Variants in MOB3B observed in about 807,000 individuals in gnomAD.
MOB3B encodes the protein MOB kinase activator-like 2B.
A neutral mutation model predicts 18.7 loss-of-function variants in MOB3B; 7 were observed. The ratio of observed to expected loss-of-function variants is 0.37; its 90% CI spans 0.21 to 0.70. The LOEUF is 0.70. Ranked by LOEUF, MOB3B falls within the 30% of genes least tolerant of loss-of-function variation. The pLI, the probability that MOB3B is intolerant of heterozygous loss-of-function variation, is 0.52. For synonymous variants in MOB3B, 111 were observed against 99.9 expected (o/e 1.11, Z -0.66); for missense variants, 253 against 281.3 (o/e 0.90, Z 0.72).
At chr9:27,343,700 CTTT>C (rs58115889) in intron 3 of MOB3B, among the ~76,000 whole-genome samples, 6,253 of 123,890 alleles carry the variant, frequency 0.05, 163 homozygotes, top group African/African-American at 0.071. Context: ...GAATTTTAGC[CTTT>C]TTTTTTTTTT....
At chr9:27,490,892 C>A (rs1417967541) in intron 1 of MOB3B, among the ~76,000 whole-genome samples, 1 of 151,624 alleles carries the variant, frequency 6.6e-6, no homozygotes. Flanking sequence ...CCCAGAAAAG[C>A]AAATTCGAAG....
intron 2 of MOB3B, among the ~76,000 whole-genome samples, chr9:27,423,802 C>T (rs1822290448): frequency 6.6e-6 from 1 of 152,170 alleles, no homozygotes; most frequent in Admixed American, 6.5e-5. Flanking sequence ...ACTTTATGTT[C>T]ATCAGAGAAA....
At chr9:27,392,734 A>G (rs1821744165) in intron 2 of MOB3B, among the ~76,000 whole-genome samples, 1 of 152,170 alleles carries the variant, frequency 6.6e-6, no homozygotes, top group Non-Finnish European at 1.5e-5. Context: ...AAAGATAAAA[A>G]AGTCAATTCT....
chr9:27,378,435 T>G, intron 2 of MOB3B: 1 of 471,444 alleles, frequency 2.1e-6, no homozygotes, highest in Non-Finnish European at 4.4e-6. Context: ...TCCCATCTAG[T>G]TCCCTCAATG....
At chr9:27,484,577 C>T (rs17835770) in intron 1 of MOB3B, among the ~76,000 whole-genome samples, 4,938 of 152,208 alleles carry the variant, frequency 0.032, 436 homozygotes, top group East Asian at 0.28. Flanking sequence ...CTTCAACCTT[C>T]GAGTCACTTT....
At chr9:27,461,838 TA>T (rs1318046630) in intron 1 of MOB3B, among the ~76,000 whole-genome samples, 1 of 152,206 alleles carries the variant, frequency 6.6e-6, no homozygotes, top group African/African-American at 2.4e-5. Flanking sequence ...CAAAAACCTA[TA>T]ATGATTCATC....
chr9:27,363,354 C>T (rs1007628343), intron 2 of MOB3B, among the ~76,000 whole-genome samples: 20 of 152,102 alleles, frequency 1.3e-4, no homozygotes, highest in East Asian at 1.9e-4. Flanking sequence ...CTGCAAGCTC[C>T]GCCTCCCAGG....
chr9:27,439,793 G>A (rs915720703), intron 2 of MOB3B, among the ~76,000 whole-genome samples: 1 of 143,060 alleles, frequency 7.0e-6, no homozygotes, highest in African/African-American at 2.8e-5. Context: ...CTCTGGCATA[G>A]CAAAAAAAAT....
intron 3 of MOB3B, among the ~76,000 whole-genome samples, chr9:27,336,339 A>G (rs542190567): frequency 4.6e-5 from 7 of 151,756 alleles, no homozygotes; most frequent in South Asian, 4.2e-4. Flanking sequence ...AAGGGGGGGG[A>G]AGAGCTACCA....
At chr9:27,444,009 A>T (rs1037571951) in intron 2 of MOB3B, among the ~76,000 whole-genome samples, 1 of 152,114 alleles carries the variant, frequency 6.6e-6, no homozygotes, top group Non-Finnish European at 1.5e-5. Context: ...ATCTAAGAAC[A>T]TTATATGGCA....
rs546261230 is a variant in MOB3B at position 27,465,562 on chromosome 9, G to C, written c.-198-9814C>G. 4.5e-4 allele frequency among the ~76,000 whole-genome samples: 69 copies of C among 152,338 alleles called. 1 individual carries two copies. The highest frequency in any genetic ancestry group is 1.5e-3 in the African/African-American group (61 of 41,578). On this transcript the variant is annotated intron_variant, in intron 1 of 3. Coordinates refer to ENST00000262244, the MANE Select transcript of MOB3B (RefSeq NM_024761.5). ...TACAGCTCCACCAAGCAGTGCCCCAGTAGGGACTCTGTGTGGGGGCTCCAA... is the reference window on the plus strand; with the variant it reads ...TACAGCTCCACCAAGCAGTGCCCCACTAGGGACTCTGTGTGGGGGCTCCAA...
rs570242041 is a variant in MOB3B, at chr9:27,504,227, G to T, written c.-199+25328C>A. ...AAACACAAGAGGACATGGCTAGGCT[G>T]CCTGTCCCCCAGTCCAGTGATAACA... On this transcript the variant is annotated intron_variant, in intron 1 of 3. Coordinates refer to ENST00000262244, the MANE Select transcript of MOB3B (RefSeq NM_024761.5). 3.1e-4 allele frequency among the ~76,000 whole-genome samples: 47 copies of T among 152,346 alleles called. 3 individuals carry two copies. In the South Asian group the frequency reaches 9.1e-3, roughly 30 times the overall value.
In MOB3B at chr9:27,402,079, C is replaced by T. The variant is rs1821893809; in HGVS notation, c.419-42843G>A. ...ACACCTAACTTCTCTGTGTCAGTTT[C>T]TTCATCTATAAAATGGAAATAATAA... On this transcript the variant is annotated intron_variant, in intron 2 of 3. Transcript: ENST00000262244. Among the ~76,000 whole-genome samples the T allele has an allele frequency of 2.0e-5, 3 of 152,198 alleles. No individual in the cohort carries two copies. In the South Asian group the frequency reaches 6.2e-4, roughly 31 times the overall value.
intron 2 of MOB3B, among the ~76,000 whole-genome samples, chr9:27,441,036 C>A (rs1029436675): frequency 1.3e-5 from 2 of 152,058 alleles, no homozygotes; most frequent in Non-Finnish European, 2.9e-5. Context: ...CAATAGGGTC[C>A]GTGCTCCCAT....
At chr9:27,527,679 T>G (rs1020748799) in intron 1 of MOB3B, among the ~76,000 whole-genome samples, 1 of 152,194 alleles carries the variant, frequency 6.6e-6, no homozygotes, top group Non-Finnish European at 1.5e-5. Flanking sequence ...GAGGGACTCA[T>G]TGGGGATCCC....
intron 2 of MOB3B, among the ~76,000 whole-genome samples, chr9:27,413,392 C>A (rs544506747): frequency 1.8e-4 from 27 of 152,094 alleles, no homozygotes; most frequent in African/African-American, 6.3e-4. Context: ...AAAAGCCACA[C>A]TGGCAAGAAT....
At chr9:27,336,407 G>C (rs1820863847) in intron 3 of MOB3B, among the ~76,000 whole-genome samples, 1 of 152,066 alleles carries the variant, frequency 6.6e-6, no homozygotes, top group Non-Finnish European at 1.5e-5. Flanking sequence ...CTAACTCTGA[G>C]ACACCAGGAG....
chr9:27,359,117 C>CCT lies in MOB3B; in HGVS notation c.536_537dup (p.Ala180ArgfsTer18). ...TGTTTGTAGCAGGTGTTGACATGGGCCTCTGCACCCATCACAATGACCCGG... is the reference window on the plus strand; with the variant it reads ...TGTTTGTAGCAGGTGTTGACATGGGCCTCTCTGCACCCATCACAATGACCCGG... On this transcript the variant is annotated frameshift_variant, in exon 3 of 4. Transcript: ENST00000262244. LOFTEE classifies it high-confidence loss of function. 6.2e-7 allele frequency: 1 copy of CCT among 1,614,018 alleles called. No individual in the cohort carries two copies. Among genetic ancestry groups the CCT allele is most frequent in the Non-Finnish European group, 8.5e-7 (1 of 1,180,006 alleles).
At chr9:27,475,293 C>T (rs1819537361) in intron 1 of MOB3B, among the ~76,000 whole-genome samples, 1 of 152,234 alleles carries the variant, frequency 6.6e-6, no homozygotes, top group Admixed American at 6.5e-5. Context: ...CAGCTGCAGC[C>T]TCAGCCTTGG....
Sources: allele counts gnomAD v4.1 joint callset (sites outside exome capture counted in the v4.1 genomes callset), GRCh38; gene constraint gnomAD v4.1.1; transcripts MANE v1.5; gene names NCBI Gene and HGNC (gene_info 2026-07-23, HGNC 2026-07-21).